The following AOPEP variants were observed in gnomAD, a reference collection of about 807,000 sequenced individuals.
AOPEP encodes aminopeptidase O.
In AOPEP, 77 loss-of-function variants were observed where a neutral mutation model predicts 98.1. The ratio of observed to expected loss-of-function variants is 0.78; its 90% CI spans 0.65 to 0.95. AOPEP has a LOEUF of 0.95. Among genes scored for constraint, AOPEP ranks in the 40% least tolerant of loss-of-function variants. AOPEP has a pLI of 0.00. For synonymous variants in AOPEP, 346 were observed against 365.3 expected, an observed-to-expected ratio of 0.95 and a Z score of 0.60; for missense variants, 1,024 against 1,024.7, an observed-to-expected ratio of 1.00 and a Z score of 0.01.
chr9:94,864,650 A>G (rs998855521), intron 5 of AOPEP, among the ~76,000 whole-genome samples: 1 of 152,106 alleles, frequency 6.6e-6, no homozygotes, highest in East Asian at 1.9e-4. Flanking sequence ...AAGTGTTGTC[A>G]GTAATAGAAG....
intron 14 of AOPEP, among the ~76,000 whole-genome samples, chr9:95,069,999 C>G (rs1178020455): frequency 6.6e-6 from 1 of 152,196 alleles, no homozygotes; most frequent in Non-Finnish European, 1.5e-5. Context: ...GATTGCAGCC[C>G]TTCAGAAATA....
intron 5 of AOPEP, among the ~76,000 whole-genome samples, chr9:94,848,940 C>G (rs1262200458): frequency 6.6e-6 from 1 of 152,146 alleles, no homozygotes; most frequent in Non-Finnish European, 1.5e-5. Context: ...CCACACCCAG[C>G]TAATTTTCTT....
chr9:95,109,266 A>G, the AOPEP span, among the ~76,000 whole-genome samples: 1 of 152,268 alleles, frequency 6.6e-6, no homozygotes, highest in East Asian at 1.9e-4. Context: ...GTTAGGATAT[A>G]CCACACTTTA....
chr9:95,021,253 G>A (rs1282940639), intron 13 of AOPEP, among the ~76,000 whole-genome samples: 1 of 152,110 alleles, frequency 6.6e-6, no homozygotes, highest in Non-Finnish European at 1.5e-5. Flanking sequence ...AAATGGGTAG[G>A]AATAGTCTGG....
At chr9:95,099,066 T>C in the AOPEP span, 1 of 187,116 alleles carries the variant, frequency 5.3e-6, no homozygotes, top group Non-Finnish European at 1.1e-5. Flanking sequence ...AGGTGCAAAC[T>C]GAAGTTTTAT....
At chr9:94,933,562 C>A in intron 7 of AOPEP, 2 of 985,304 alleles carry the variant, frequency 2.0e-6, no homozygotes, top group East Asian at 1.1e-4. Context: ...CTTTCCCTAA[C>A]CTTCCTCCTG....
chr9:95,108,616 G>A, the AOPEP span, among the ~76,000 whole-genome samples: 1 of 152,146 alleles, frequency 6.6e-6, no homozygotes, highest in Non-Finnish European at 1.5e-5. Context: ...TCAGGAGAAA[G>A]ATAAAAGCTT....
chr9:94,954,980 C>A (rs2058355675), intron 7 of AOPEP, among the ~76,000 whole-genome samples, 197 bp from the exon 8 acceptor site: 1 of 152,118 alleles, frequency 6.6e-6, no homozygotes, highest in African/African-American at 2.4e-5. Context: ...TTGCCAATAG[C>A]CAACTTCAGG....
At chr9:94,989,646 C>G (rs1391555946) in intron 11 of AOPEP, among the ~76,000 whole-genome samples, 6 of 142,160 alleles carry the variant, frequency 4.2e-5, no homozygotes, top group Non-Finnish European at 7.6e-5. Context: ...GAGTCTTGCT[C>G]TCTTGCCCAG....
chr9:94,861,244 C>T (rs1046926325), intron 5 of AOPEP, among the ~76,000 whole-genome samples: 10 of 152,196 alleles, frequency 6.6e-5, no homozygotes, highest in African/African-American at 1.2e-4. Flanking sequence ...GCAGCAGCAG[C>T]AGCTGCTGTC....
At chr9:94,860,947 CCTCTT>C (rs1364965261) in intron 5 of AOPEP, among the ~76,000 whole-genome samples, 4 of 152,114 alleles carry the variant, frequency 2.6e-5, no homozygotes, top group African/African-American at 9.7e-5. Context: ...GATAAATAAA[CCTCTT>C]AGGGCATCAG....
chr9:95,110,925 C>T, the AOPEP span: 6 of 1,325,148 alleles, frequency 4.5e-6, no homozygotes, highest in Non-Finnish European at 5.8e-6. Flanking sequence ...AAATGACCAA[C>T]TTCTTTTTCA....
chr9:95,085,340 A>G (rs1221582031), intron 16 of AOPEP: 2 of 484,886 alleles, frequency 4.1e-6, no homozygotes, highest in Non-Finnish European at 8.6e-6. Flanking sequence ...CTCACTGCAG[A>G]TTGGAGAACA....
At chr9:95,000,636 A>C (rs1440964932) in intron 11 of AOPEP, among the ~76,000 whole-genome samples, 1 of 152,202 alleles carries the variant, frequency 6.6e-6, no homozygotes, top group Non-Finnish European at 1.5e-5. Context: ...TGAGCCTGGG[A>C]GGCAGAGGTT....
At chr9:95,043,266 A>G (rs937517676) in intron 13 of AOPEP, among the ~76,000 whole-genome samples, 10 of 150,424 alleles carry the variant, frequency 6.6e-5, no homozygotes, top group African/African-American at 2.2e-4. Context: ...ATATACATAT[A>G]TATCTGTATA....
At chr9:95,093,865 G>T in the AOPEP span, among the ~76,000 whole-genome samples, 1 of 152,212 alleles carries the variant, frequency 6.6e-6, no homozygotes, top group African/African-American at 2.4e-5. Flanking sequence ...AGCCCTGCTA[G>T]ATGGCCTCAG....
At chr9:95,061,864 C>T (rs1158309270) in intron 14 of AOPEP, among the ~76,000 whole-genome samples, 3 of 152,186 alleles carry the variant, frequency 2.0e-5, no homozygotes, top group Non-Finnish European at 4.4e-5. Flanking sequence ...ACAACTGTTG[C>T]TGTTTATTTC....
chr9:94,895,241 A>AT (rs2049363915), intron 5 of AOPEP, among the ~76,000 whole-genome samples: 1 of 112,730 alleles, frequency 8.9e-6, no homozygotes, highest in Non-Finnish European at 2.1e-5. Context: ...AAATAAAATA[A>AT]AAAAAAAAAA....
At chr9:94,900,717 A>G (rs1191478854) in intron 5 of AOPEP, 2 of 152,188 alleles carry the variant, frequency 1.3e-5, no homozygotes, top group Non-Finnish European at 2.9e-5. Context: ...ATCTTAGTCA[A>G]CTTTCAGTTT....
Sources: gnomAD v4.1 joint callset for allele counts (sites outside exome capture counted in the v4.1 genomes callset) on GRCh38, gnomAD v4.1.1 for gene constraint, MANE v1.5 for transcripts, NCBI Gene and HGNC (gene_info 2026-07-23, HGNC 2026-07-21) for gene names.